FRYL: variants seen among roughly 807,000 people sequenced by gnomAD.
FRYL encodes protein furry homolog-like.
A neutral mutation model predicts 351.2 loss-of-function variants in FRYL; 150 were observed. That is an observed-to-expected ratio of 0.43 (90% CI 0.37 to 0.49). The LOEUF (loss-of-function observed/expected upper bound fraction) is 0.49. FRYL is among the 20% of genes least tolerant of loss of function. The pLI is 0.00. For missense variants in FRYL, 3,036 were observed against 3,619.3 expected (o/e 0.84, Z 4.13); for synonymous variants, 1,153 against 1,257.1 (o/e 0.92, Z 1.75).
intron 23 of FRYL, among the ~76,000 whole-genome samples, chr4:48,578,587 G>A (rs1196778215): frequency 2.0e-5 from 3 of 152,064 alleles, no homozygotes; most frequent in Admixed American, 6.6e-5. Flanking sequence ...CACTGTCATC[G>A]GGAAAAGTAA....
chr4:48,534,281 T>C (rs1377674064), intron 49 of FRYL, among the ~76,000 whole-genome samples: 2 of 152,208 alleles, frequency 1.3e-5, no homozygotes, highest in Non-Finnish European at 2.9e-5. Flanking sequence ...GAGTTTTGAC[T>C]GCTGCAATGT....
Position 48,661,709 on chromosome 4 carries a change from A to G in FRYL, c.-81+22964T>C, listed in dbSNP as rs577462594. On this transcript the variant is annotated intron_variant, in intron 3 of 63. Coordinates refer to ENST00000358350, the MANE Select transcript of FRYL (RefSeq NM_015030.2). ...TGTCACAAATGGCAACATCCAATTGAAATGTATTAAATGTGTCAAGGAGTA... is the reference window on the plus strand; with the variant it reads ...TGTCACAAATGGCAACATCCAATTGGAATGTATTAAATGTGTCAAGGAGTA... 3.3e-5 allele frequency among the ~76,000 whole-genome samples: 5 copies of G among 152,372 alleles called. No individual in the cohort carries two copies. In the South Asian group the frequency reaches 8.3e-4, roughly 25 times the overall value.
At chr4:48,643,725 A>ATT (rs1174021003) in intron 3 of FRYL, among the ~76,000 whole-genome samples, 3 of 152,188 alleles carry the variant, frequency 2.0e-5, no homozygotes, top group Non-Finnish European at 4.4e-5. Context: ...ATAGAAAATG[A>ATT]TTTTAAAAGA....
At chr4:48,652,491 A>T (rs544730919) in intron 3 of FRYL, among the ~76,000 whole-genome samples, 1 of 152,196 alleles carries the variant, frequency 6.6e-6, no homozygotes, top group South Asian at 2.1e-4. Flanking sequence ...CAATATTTTA[A>T]CTATGTATAT....
chr4:48,564,822 TCCTAA>T (rs1463098211), intron 30 of FRYL, 106 bp downstream of exon 30: 1 of 602,002 alleles, frequency 1.7e-6, no homozygotes, highest in Non-Finnish European at 3.0e-6. Context: ...TTGCATATGA[TCCTAA>T]CCTATCTTAT....
At chr4:48,528,509 A>G (rs1408832153) in intron 50 of FRYL, among the ~76,000 whole-genome samples, 173 bp from the exon 51 acceptor site, 1 of 152,102 alleles carries the variant, frequency 6.6e-6, no homozygotes, top group South Asian at 2.1e-4. Flanking sequence ...ATATATATAT[A>G]TTTTTAATCA....
intron 9 of FRYL, among the ~76,000 whole-genome samples, chr4:48,608,689 C>A (rs192939100): frequency 6.6e-6 from 1 of 152,098 alleles, no homozygotes; most frequent in Non-Finnish European, 1.5e-5. Context: ...TAAAAAGATT[C>A]TAACAGAATT....
At chr4:48,592,101 T>TATATATATATATATATATATATATAC (rs1158547540) in intron 16 of FRYL, among the ~76,000 whole-genome samples, 202 of 44,938 alleles carry the variant, frequency 4.5e-3, no homozygotes, top group Non-Finnish European at 0.011. Context: ...TATATATATA[T>TATATATATATATATATATATATATAC]ATATATATAT....
At chr4:48,689,023 AAT>A in intron 2 of FRYL, among the ~76,000 whole-genome samples, 1 of 152,274 alleles carries the variant, frequency 6.6e-6, no homozygotes, top group Non-Finnish European at 1.5e-5. Context: ...TACACTGACT[AAT>A]ATAATTACAG....
At chr4:48,701,708 C>A (rs1766739824) in intron 2 of FRYL, among the ~76,000 whole-genome samples, 1 of 152,156 alleles carries the variant, frequency 6.6e-6, no homozygotes, top group African/African-American at 2.4e-5. Context: ...TAGAAAGATA[C>A]ACGCTAAGAA....
At chr4:48,605,413 G>A (rs1287155182) in intron 11 of FRYL, among the ~76,000 whole-genome samples, 1 of 152,146 alleles carries the variant, frequency 6.6e-6, no homozygotes, top group African/African-American at 2.4e-5. Context: ...TTTTCAACAT[G>A]TAATACATTT....
intron 4 of FRYL, among the ~76,000 whole-genome samples, chr4:48,631,800 G>T (rs530220138): frequency 2.0e-5 from 3 of 151,518 alleles, no homozygotes; most frequent in Non-Finnish European, 4.4e-5. Context: ...GAGGCGGTGG[G>T]TCTATAATCC....
intron 2 of FRYL, among the ~76,000 whole-genome samples, chr4:48,696,743 A>G (rs760234048): frequency 6.6e-6 from 1 of 151,990 alleles, no homozygotes; most frequent in Non-Finnish European, 1.5e-5. Context: ...TTTAGTTTCA[A>G]TGGTATTATT....
chr4:48,767,016 T>A (rs981449451), intron 1 of FRYL, among the ~76,000 whole-genome samples: 1 of 147,638 alleles, frequency 6.8e-6, no homozygotes, highest in East Asian at 1.9e-4. Context: ...TTTTATATAT[T>A]ATATATAAAA....
At chr4:48,620,506 A>T in intron 6 of FRYL, 133 bp downstream of exon 6, 1 of 870,108 alleles carries the variant, frequency 1.1e-6, no homozygotes, top group Non-Finnish European at 1.8e-6. Flanking sequence ...CTCCCTTACT[A>T]CCATCTTTGT....
intron 1 of FRYL, among the ~76,000 whole-genome samples, chr4:48,779,125 C>G (rs547827719): frequency 1.4e-4 from 22 of 152,204 alleles, no homozygotes; most frequent in Non-Finnish European, 2.6e-4. Context: ...CAGGAAAGAC[C>G]GGCAGCAATA....
intron 4 of FRYL, among the ~76,000 whole-genome samples, chr4:48,628,350 A>C (rs1203309164): frequency 1.3e-5 from 2 of 152,144 alleles, no homozygotes; most frequent in African/African-American, 4.8e-5. Flanking sequence ...GATACATAAT[A>C]ATCTCCAATT....
chr4:48,591,708 C>T (rs981419476), intron 16 of FRYL, among the ~76,000 whole-genome samples: 3 of 152,124 alleles, frequency 2.0e-5, no homozygotes, highest in African/African-American at 7.2e-5. Context: ...CTCCTATCAT[C>T]ATGTATTACC....
intron 1 of FRYL, among the ~76,000 whole-genome samples, chr4:48,751,544 C>G (rs1448189399): frequency 1.3e-5 from 2 of 151,880 alleles, no homozygotes; most frequent in Non-Finnish European, 2.9e-5. Flanking sequence ...ACAAGAGATA[C>G]AAAAGAAACA....
Sources: gnomAD v4.1 joint callset for allele counts (sites outside exome capture counted in the v4.1 genomes callset) on GRCh38, gnomAD v4.1.1 for gene constraint, MANE v1.5 for transcripts, NCBI Gene and HGNC (gene_info 2026-07-23, HGNC 2026-07-21) for gene names.